LRP1B: variants seen among roughly 807,000 people sequenced by gnomAD.
The protein encoded by LRP1B is low-density lipoprotein receptor-related protein 1B.
Under a neutral mutation model 556.6 loss-of-function variants are expected in LRP1B, and 217 were observed. The observed-to-expected ratio is 0.39, with a 90% CI of 0.35 to 0.44. The LOEUF (loss-of-function observed/expected upper bound fraction) is 0.44, where lower values mean the gene tolerates loss of function less well. Among genes scored for constraint, LRP1B ranks in the 20% least tolerant of loss-of-function variants. The pLI is 1.00. For missense variants in LRP1B, 5,053 were observed against 5,620.8 expected, an observed-to-expected ratio of 0.90 and a Z score of 3.23; for synonymous variants, 2,047 against 1,865.8, an observed-to-expected ratio of 1.10 and a Z score of -2.50.
At chr2:140,688,993 G>T (rs1686143886) in intron 41 of LRP1B, among the ~76,000 whole-genome samples, 1 of 152,132 alleles carries the variant, frequency 6.6e-6, no homozygotes, top group South Asian at 2.1e-4. Flanking sequence ...ACTGAATTCT[G>T]GAATGGTTTG....
At chr2:141,408,056 C>A (rs1690704501) in intron 3 of LRP1B, among the ~76,000 whole-genome samples, 1 of 151,728 alleles carries the variant, frequency 6.6e-6, no homozygotes. Flanking sequence ...GGTTTTACTT[C>A]TTTACATCTG....
chr2:142,054,585 T>C (rs1036885543), intron 1 of LRP1B, among the ~76,000 whole-genome samples: 1 of 152,152 alleles, frequency 6.6e-6, no homozygotes, highest in Middle Eastern at 3.2e-3. Flanking sequence ...TCTATATACA[T>C]GTTTACGATG....
At chr2:140,915,553 C>G (rs2105245213) in intron 21 of LRP1B, among the ~76,000 whole-genome samples, 1 of 151,836 alleles carries the variant, frequency 6.6e-6, no homozygotes, top group South Asian at 2.1e-4. Flanking sequence ...ACTCAGGAGG[C>G]TGAGGCAGAT....
At chr2:141,181,580 C>A (rs978528889) in intron 7 of LRP1B, among the ~76,000 whole-genome samples, 3 of 151,728 alleles carry the variant, frequency 2.0e-5, no homozygotes, top group Non-Finnish European at 4.4e-5. Flanking sequence ...GCAAAGGGAG[C>A]AAGTAGAAAT....
At chr2:140,354,796 C>A (rs1049759092) in intron 75 of LRP1B, among the ~76,000 whole-genome samples, 3 of 151,974 alleles carry the variant, frequency 2.0e-5, no homozygotes, top group African/African-American at 7.2e-5. Context: ...AACTGTTAAT[C>A]CCCTTCTAAT....
At chr2:141,198,695 A>G (rs17527289) in intron 6 of LRP1B, among the ~76,000 whole-genome samples, 14,128 of 152,090 alleles carry the variant, frequency 0.093, 705 homozygotes, top group South Asian at 0.13. Context: ...CCACAAGCCA[A>G]TTTTATCTAC....
At chr2:140,552,302 G>T (rs544094849) in intron 43 of LRP1B, among the ~76,000 whole-genome samples, 71 of 152,068 alleles carry the variant, frequency 4.7e-4, no homozygotes, top group African/African-American at 1.4e-3. Flanking sequence ...CAGTTATTAT[G>T]GATATTCTTA....
At chr2:141,557,735 C>T (rs1225468857) in intron 2 of LRP1B, among the ~76,000 whole-genome samples, 1 of 151,878 alleles carries the variant, frequency 6.6e-6, no homozygotes. Context: ...GGCCACCCTG[C>T]CTCTAGACTC....
intron 2 of LRP1B, among the ~76,000 whole-genome samples, chr2:141,655,698 T>C (rs2105386502): frequency 6.6e-6 from 1 of 152,280 alleles, no homozygotes; most frequent in South Asian, 2.1e-4. Flanking sequence ...TCTTTTTTAA[T>C]ACAGAAGGTA....
chr2:140,710,493 TTTA>T (rs1261913978), intron 37 of LRP1B, among the ~76,000 whole-genome samples: 2 of 152,020 alleles, frequency 1.3e-5, no homozygotes, highest in Non-Finnish European at 2.9e-5. Flanking sequence ...TTTGCATATA[TTTA>T]TTATATTTTT....
chr2:140,649,628 G>T (rs1222200473), intron 41 of LRP1B, among the ~76,000 whole-genome samples: 2 of 152,154 alleles, frequency 1.3e-5, no homozygotes, highest in African/African-American at 4.8e-5. Context: ...TTTCCTCTTT[G>T]TTATATGATA....
At chr2:141,524,913 G>A (rs753866410) in intron 2 of LRP1B, among the ~76,000 whole-genome samples, 6 of 151,968 alleles carry the variant, frequency 3.9e-5, no homozygotes, top group Non-Finnish European at 8.8e-5. Context: ...TTATTATTTT[G>A]TTTTATAAAG....
intron 35 of LRP1B, among the ~76,000 whole-genome samples, chr2:140,727,166 G>A (rs1327250110): frequency 1.3e-5 from 2 of 152,046 alleles, no homozygotes; most frequent in Non-Finnish European, 2.9e-5. Context: ...TGTATTTTAG[G>A]TGAAATCTCT....
chr2:141,160,439 A>T (rs1679969025), intron 7 of LRP1B, among the ~76,000 whole-genome samples: 1 of 152,162 alleles, frequency 6.6e-6, no homozygotes, highest in South Asian at 2.1e-4. Context: ...ATGCTCACAC[A>T]CAAAAACCTA....
chr2:140,335,507 GAC>G, intron 78 of LRP1B, 106 bp downstream of exon 78: 1 of 696,866 alleles, frequency 1.4e-6, no homozygotes. Flanking sequence ...AAAAGCATGT[GAC>G]ACTATTACAC....
At chr2:140,252,451 G>A (rs1216752912) in intron 86 of LRP1B, among the ~76,000 whole-genome samples, 4 of 151,864 alleles carry the variant, frequency 2.6e-5, no homozygotes, top group African/African-American at 4.8e-5. Context: ...TGTATAAAAC[G>A]AGGACGCACA....
chr2:140,232,911 GT>G lies in LRP1B; in HGVS notation c.*274del, dbSNP rs1680530030. ...TATTCACACTACAAAGGAATACGTT[GT>G]TTTTAATTTTAACAAATTCAAAGGT... On this transcript the variant is annotated 3_prime_UTR_variant, in exon 91 of 91. Coordinates refer to ENST00000389484, the MANE Select transcript of LRP1B (RefSeq NM_018557.3). 1 of 245,874 alleles carries G rather than the reference GT, an allele frequency of 4.1e-6. No homozygotes were observed. The highest frequency in any genetic ancestry group is 1.5e-4 in the South Asian group (1 of 6,830). 15.2% of individuals were successfully genotyped at this position (245,874 alleles called of 1,614,324 possible). A position where few individuals can be genotyped will look rare whatever the true frequency, so the allele number is the denominator to read the frequency against.
At chr2:140,301,564 C>T (rs943508467) in intron 83 of LRP1B, among the ~76,000 whole-genome samples, 4 of 151,956 alleles carry the variant, frequency 2.6e-5, no homozygotes, top group Admixed American at 2.0e-4. Flanking sequence ...AATCACATTC[C>T]AATCCTTCAC....
At chr2:141,202,160 C>G (rs1170420205) in intron 6 of LRP1B, among the ~76,000 whole-genome samples, 1 of 149,934 alleles carries the variant, frequency 6.7e-6, no homozygotes, top group Non-Finnish European at 1.5e-5. Flanking sequence ...CCACCTCATG[C>G]GTCCATGTGT....
Sources: gnomAD v4.1 joint callset for allele counts (sites outside exome capture counted in the v4.1 genomes callset) on GRCh38, gnomAD v4.1.1 for gene constraint, MANE v1.5 for transcripts, NCBI Gene and HGNC (gene_info 2026-07-23, HGNC 2026-07-21) for gene names.